CEP250: variants seen among roughly 807,000 people sequenced by gnomAD.
CEP250 encodes the protein centrosomal protein 250.
Under a neutral mutation model 315.7 loss-of-function variants are expected in CEP250, and 242 were observed. That is an observed-to-expected ratio of 0.77 (90% CI 0.69 to 0.85). The LOEUF (loss-of-function observed/expected upper bound fraction) is 0.85, where lower values mean the gene tolerates loss of function less well. Among genes scored for constraint, CEP250 ranks in the 40% least tolerant of loss-of-function variants. The probability of loss-of-function intolerance (pLI) is 0.00; values close to 1 mark genes in which losing one functional copy is unlikely to be tolerated. For missense variants in CEP250, 2,515 were observed against 2,886.4 expected, an observed-to-expected ratio of 0.87 and a Z score of 2.95; for synonymous variants, 1,088 against 1,175.0, an observed-to-expected ratio of 0.93 and a Z score of 1.51.
At position 35,516,936 on chromosome 20, in the gene CEP250, C is replaced by T; in HGVS notation, c.*5310C>T. On this transcript the variant is annotated 3_prime_UTR_variant, in exon 35 of 35. Coordinates refer to ENST00000397527, the MANE Select transcript of CEP250 (RefSeq NM_007186.6). Reference sequence around the variant, plus strand: ...GGCAGAAACGTCAGCCACAGGTGAGCATAAGCTCAAACCCCCCCATTGAAG... The same window carrying T: ...GGCAGAAACGTCAGCCACAGGTGAGTATAAGCTCAAACCCCCCCATTGAAG... 3 of 978,356 alleles carry T rather than the reference C, an allele frequency of 3.1e-6. No homozygotes were observed. The highest frequency in any genetic ancestry group is 3.6e-6 in the Non-Finnish European group (3 of 823,476). 60.6% of individuals were successfully genotyped at this position (978,356 alleles called of 1,614,324 possible). A position where few individuals can be genotyped will look rare whatever the true frequency, so the allele number is the denominator to read the frequency against.
At chr20:35,497,507 T>C (rs1443517293) in intron 25 of CEP250, among the ~76,000 whole-genome samples, 2 of 151,658 alleles carry the variant, frequency 1.3e-5, no homozygotes, top group African/African-American at 4.8e-5. Flanking sequence ...CATAGCAGCC[T>C]GGGCCCATGT....
chr20:35,500,187 G>A lies in CEP250; in HGVS notation c.3898+18G>A, dbSNP rs1386810031. ...TCAGGAAGGTGAGAAGCTCAAGACA[G>A]GCAGGGAGATTGAGAGGGAGAAGGG... On this transcript the variant is annotated intron_variant, in intron 28 of 34. Transcript: ENST00000397527. The A allele has an allele frequency of 6.2e-7, 1 of 1,612,906 alleles. No homozygotes were observed. Among genetic ancestry groups the A allele is most frequent in the African/African-American group, 1.3e-5 (1 of 75,054 alleles).
Position 35,507,846 on chromosome 20 carries a change from G to A in CEP250, c.6745G>A (p.Gly2249Arg), listed in dbSNP as rs774504786. 1.7e-5 allele frequency: 27 copies of A among 1,603,508 alleles called. No individual in the cohort carries two copies. Among genetic ancestry groups the A allele is most frequent in the Non-Finnish European group, 2.2e-5 (26 of 1,175,388 alleles). The change falls in exon 31 of 35, where the codon GGA (glycine) becomes AGA (arginine). Residue 2249 changes from glycine to arginine, a missense_variant. Transcript: ENST00000397527. The part of the protein sequence containing the change: ...GSRGEQGVQL[G>R]EVSGVEAEPS... ...CAGAGGGGAGCAGGGTGTGCAGCTG[G>A]GAGAGGTGAGCTGGGGGCTCTGGGG...
chr20:35,459,663 C>G (rs983365724), intron 2 of CEP250, among the ~76,000 whole-genome samples: 1 of 151,432 alleles, frequency 6.6e-6, no homozygotes, highest in South Asian at 2.1e-4. Flanking sequence ...ACATCTTCAG[C>G]TCCTCTGAAG....
At chr20:35,497,396 A>G (rs1377828117) in intron 25 of CEP250, among the ~76,000 whole-genome samples, 8 of 152,220 alleles carry the variant, frequency 5.3e-5, no homozygotes, top group Non-Finnish European at 1.2e-4. Flanking sequence ...TGTTATTGTG[A>G]CTGGTCTTAC....
In CEP250 at chr20:35,467,526, G is replaced by A; in HGVS notation, c.822G>A (p.Gly274=). ...AGTTAATACAGCTGAAGAGTCAAGG[G>A]GATCTGGAGAAGGCTGAACTTCAGG... ...SQELIQLKSQ[G]DLEKAELQDR... is the part of the protein sequence containing the mutation. Residue 274 remains glycine, a synonymous_variant, in exon 9 of 35, where the codon GGG becomes GGA. Transcript: ENST00000397527. The A allele has an allele frequency of 1.2e-6, 2 of 1,614,008 alleles. No homozygotes were observed. The highest frequency in any genetic ancestry group is 1.7e-6 in the Non-Finnish European group (2 of 1,180,006).
chr20:35,459,525 T>C (rs555776167), intron 2 of CEP250, among the ~76,000 whole-genome samples: 2 of 152,098 alleles, frequency 1.3e-5, no homozygotes, highest in East Asian at 3.9e-4. Context: ...CTCACACCTA[T>C]AATGCCATTG....
intron 22 of CEP250, 38 bp from the exon 23 acceptor site, chr20:35,493,391 A>G (rs2063750263): frequency 1.3e-6 from 2 of 1,485,638 alleles, no homozygotes; most frequent in Non-Finnish European, 1.8e-6. Flanking sequence ...TCTATGACAC[A>G]GATTTCCTCT....
intron 20 of CEP250, among the ~76,000 whole-genome samples, chr20:35,480,679 G>A (rs996713353): frequency 4.9e-5 from 7 of 143,628 alleles, no homozygotes; most frequent in Admixed American, 1.5e-4. Context: ...TGCAACCTCC[G>A]CCTCCTGGGT....
intron 12 of CEP250, 87 bp from the exon 13 acceptor site, chr20:35,473,287 C>A: frequency 8.3e-7 from 1 of 1,204,298 alleles, no homozygotes; most frequent in South Asian, 1.5e-5. Flanking sequence ...CAGCCCCCGA[C>A]CCCCTTCTCC....
At chr20:35,467,179 G>GGGGGGGGCCCCCCC in intron 8 of CEP250, 107 bp downstream of exon 8, 10 of 534,328 alleles carry the variant, frequency 1.9e-5, no homozygotes, top group Non-Finnish European at 3.2e-5. Context: ...GGTGGGTGGG[G>GGGGGGGGCCCCCCC]GAGTTGGTAG....
chr20:35,494,484 C>T (rs2063781421), intron 23 of CEP250, 40 bp from the exon 24 acceptor site: 2 of 1,611,438 alleles, frequency 1.2e-6, no homozygotes, highest in African/African-American at 1.3e-5. Flanking sequence ...CACCGGCCCC[C>T]TGCCCTGCCA....
In CEP250 at chr20:35,466,048, T is replaced by A. The variant is rs545221768; in HGVS notation, c.336T>A (p.Ser112Arg). Residue 112 changes from serine to arginine, a missense_variant, in exon 7 of 35, where the codon AGT (serine) becomes AGA (arginine). Coordinates refer to ENST00000397527, the MANE Select transcript of CEP250 (RefSeq NM_007186.6). ...RLEEEQQRCE[S>R]LAEVNTQLRL... is the part of the protein sequence containing the mutation. ...CCCCTCCCCAGTGCAGGTGTGAGAG[T>A]CTAGCAGAGGTGAACACCCAGCTTC... The A allele has an allele frequency of 6.2e-7, 1 of 1,613,910 alleles. No individual in the cohort carries two copies. Among genetic ancestry groups the A allele is most frequent in the African/African-American group, 1.3e-5 (1 of 74,908 alleles).
intron 34 of CEP250, 27 bp from the exon 35 acceptor site, chr20:35,511,336 C>T: frequency 8.2e-6 from 9 of 1,101,636 alleles, no homozygotes; most frequent in South Asian, 1.6e-5. Flanking sequence ...GCTGCTCTCG[C>T]TTTTTTTTTT....
intron 11 of CEP250, 44 bp downstream of exon 11, chr20:35,472,195 A>G: frequency 8.9e-7 from 1 of 1,125,634 alleles, no homozygotes; most frequent in Non-Finnish European, 1.4e-6. Flanking sequence ...TTATGCCTCC[A>G]CTCCCCAGGT....
intron 31 of CEP250, 59 bp downstream of exon 31, chr20:35,507,910 T>C: frequency 6.3e-7 from 1 of 1,596,678 alleles, no homozygotes; most frequent in Non-Finnish European, 8.6e-7. Context: ...TCCAGGGGTT[T>C]GTCCCCTTCC....
chr20:35,469,164 A>G (rs1220899634), intron 9 of CEP250, among the ~76,000 whole-genome samples: 2 of 152,176 alleles, frequency 1.3e-5, no homozygotes, highest in Non-Finnish European at 2.9e-5. Context: ...AAAAATAAAA[A>G]AAGAATAGCC....
intron 33 of CEP250, among the ~76,000 whole-genome samples, chr20:35,509,470 C>T (rs1487334569): frequency 6.6e-6 from 1 of 152,206 alleles, no homozygotes; most frequent in Non-Finnish European, 1.5e-5. Flanking sequence ...CATGGTCTTT[C>T]CTGGAGCCAG....
rs772250905 is a variant in CEP250, at chr20:35,494,550, G to C, written c.3060G>C (p.Val1020=). 9 of 1,613,952 alleles carry C rather than the reference G, an allele frequency of 5.6e-6. No homozygotes were observed. The highest frequency in any genetic ancestry group is 1.7e-4 in the Middle Eastern group (1 of 5,984). ...TGGAGGACTTGAAGTCTCAGCTGGT[G>C]GCCCAGGATGACTCCCAGAGGCTGG... ...KQVEDLKSQL[V]AQDDSQRLVE... The change falls in exon 24 of 35, where the codon GTG becomes GTC. Residue 1020 remains valine (V), a synonymous_variant. Coordinates refer to ENST00000397527, the MANE Select transcript of CEP250 (RefSeq NM_007186.6).
Sources: gnomAD v4.1 joint callset for allele counts (sites outside exome capture counted in the v4.1 genomes callset) on GRCh38, gnomAD v4.1.1 for gene constraint, MANE v1.5 for transcripts, NCBI Gene and HGNC (gene_info 2026-07-23, HGNC 2026-07-21) for gene names.